The following CDC42EP5 variants were observed in gnomAD, a reference collection of about 807,000 sequenced individuals.
CDC42EP5 encodes the protein CDC42 effector protein 5.
For synonymous variants in CDC42EP5, 118 were observed against 123.3 expected (o/e 0.96, Z 0.28); for missense variants, 269 against 238.0 (o/e 1.13, Z -0.86).
In CDC42EP5 at chr19:54,465,359, G is replaced by T; in HGVS notation, c.189C>A (p.Pro63=). The part of the protein sequence containing the change: ...GGGPPPEPRA[P]PAGAPRSPPP... ...GCGGGGAGCGCGGGGCCCCCGCGGGGGGCGCCCGGGGCTCGGGGGGCGGCC... is the reference window on the plus strand; with the variant it reads ...GCGGGGAGCGCGGGGCCCCCGCGGGTGGCGCCCGGGGCTCGGGGGGCGGCC... The change falls in exon 3 of 3, where the codon CCC becomes CCA. Residue 63 remains proline, a synonymous_variant. Transcript: ENST00000301200. 8.7e-7 allele frequency: 1 copy of T among 1,155,876 alleles called. No homozygotes were observed. Among genetic ancestry groups the T allele is most frequent in the Non-Finnish European group, 1.1e-6 (1 of 939,234 alleles). 71.6% of individuals were successfully genotyped at this position (1,155,876 alleles called of 1,614,324 possible).
rs200991499 is a variant in CDC42EP5, at chr19:54,469,903, C to CA, written c.-1+1641dup. Reference sequence around the variant, plus strand: ...CAGCATGCACCTCGCATCCCCCTTCCATTGCCCTATCCGTTGCCACCACTT... The same window carrying CA: ...CAGCATGCACCTCGCATCCCCCTTCCAATTGCCCTATCCGTTGCCACCACTT... On this transcript the variant is annotated intron_variant, in intron 2 of 2. Coordinates refer to ENST00000301200, the MANE Select transcript of CDC42EP5 (RefSeq NM_145057.4). Among the ~76,000 whole-genome samples the CA allele has an allele frequency of 9.1e-3, 1,390 of 152,090 alleles. 9 individuals are homozygous for CA. The highest frequency in any genetic ancestry group is 0.037 in the Middle Eastern group (11 of 294).
intron 2 of CDC42EP5, among the ~76,000 whole-genome samples, chr19:54,468,888 A>ATTCC (rs774378859): frequency 0.037 from 4,323 of 116,372 alleles, 218 homozygotes; most frequent in African/African-American, 0.091. Flanking sequence ...AGATACTCTG[A>ATTCC]TTCCTTCCTT....
intron 1 of CDC42EP5, among the ~76,000 whole-genome samples, chr19:54,472,707 T>C (rs1405043617): frequency 5.4e-5 from 1 of 18,688 alleles, no homozygotes; most frequent in Non-Finnish European, 9.5e-5. Flanking sequence ...CAGCCCCTCC[T>C]CCCTCAGACC....
Position 54,465,260 on chromosome 19 carries a change from C to A in CDC42EP5, c.288G>T (p.Gly96=). 3.6e-6 allele frequency: 5 copies of A among 1,385,416 alleles called. No individual in the cohort carries two copies. The highest frequency in any genetic ancestry group is 2.3e-4 in the Middle Eastern group (1 of 4,434). The allele number at this position is 1,385,416 out of a possible 1,614,324, so 85.8% of individuals were successfully genotyped here. ...CCAGCACCGCGTCCAGCATGGAGGG[C>A]CCCAGATCCAGGTGGAAGGACAGCA... ...DPLLSFHLDL[G]PSMLDAVLGV... The change falls in exon 3 of 3, where the codon GGG becomes GGT. Residue 96 remains glycine (G), a synonymous_variant. Transcript: ENST00000301200.
chr19:54,469,769 A>G (rs2084809989), intron 2 of CDC42EP5, among the ~76,000 whole-genome samples: 1 of 152,158 alleles, frequency 6.6e-6, no homozygotes, highest in Non-Finnish European at 1.5e-5. Flanking sequence ...CCAAGATCAC[A>G]AAGCCAGCTC....
intron 2 of CDC42EP5, among the ~76,000 whole-genome samples, chr19:54,468,920 C>CTTCCTTCTTTCT (rs753994637): frequency 2.4e-5 from 3 of 124,012 alleles, no homozygotes; most frequent in East Asian, 3.1e-4. Context: ...TCCTTCCTTC[C>CTTCCTTCTTTCT]TTCTTTCTTT....
In CDC42EP5 at chr19:54,465,446, C is replaced by CAGCGTGTGCCGGAAGT. The variant is rs773308660; in HGVS notation, c.86_101dup (p.His35LeufsTer?). ...AGGCGTCGCCGCCGCGCCCCACGTGCAGCGTGTGCCGGAAGTCGCCGAGCG... is the reference window on the plus strand; with the variant it reads ...AGGCGTCGCCGCCGCGCCCCACGTGCAGCGTGTGCCGGAAGTAGCGTGTGCCGGAAGTCGCCGAGCG... On this transcript the variant is annotated frameshift_variant, in exon 3 of 3. Coordinates refer to ENST00000301200, the MANE Select transcript of CDC42EP5 (RefSeq NM_145057.4). LOFTEE classifies it low-confidence loss of function (END_TRUNC). 2 of 1,512,798 alleles carry CAGCGTGTGCCGGAAGT rather than the reference C, an allele frequency of 1.3e-6. No individual in the cohort carries two copies. The highest frequency in any genetic ancestry group is 1.2e-5 in the South Asian group (1 of 81,962). 93.7% of individuals were successfully genotyped at this position (1,512,798 alleles called of 1,614,324 possible).
intron 2 of CDC42EP5, among the ~76,000 whole-genome samples, chr19:54,467,763 T>C (rs1332403886): frequency 1.3e-5 from 2 of 152,124 alleles, no homozygotes; most frequent in East Asian, 1.9e-4. Flanking sequence ...CTTCAGGTGA[T>C]CCGCCTGCCT....
In CDC42EP5 at chr19:54,465,069, C is replaced by T. The variant is rs1319516044; in HGVS notation, c.*32G>A. 1.5e-6 allele frequency: 2 copies of T among 1,300,312 alleles called. No individual in the cohort carries two copies. The highest frequency in any genetic ancestry group is 2.2e-5 in the South Asian group (1 of 45,196). 80.5% of individuals were successfully genotyped at this position (1,300,312 alleles called of 1,614,324 possible). ...CGTTTATGTATACAGAAGTGGGGTG[C>T]CGGGCGGGAAGGGCGCGGGGAATGA... On this transcript the variant is annotated 3_prime_UTR_variant, in exon 3 of 3. Transcript: ENST00000301200.
Position 54,465,168 on chromosome 19 carries a change from G to A in CDC42EP5, c.380C>T (p.Thr127Met). ...GCGGCAGCGGGCCTGGGGGGGCTGCGTCCCGGGGCGGGGTTCCGCGTCGGG... is the reference window on the plus strand; with the variant it reads ...GCGGCAGCGGGCCTGGGGGGGCTGCATCCCGGGGCGGGGTTCCGCGTCGGG... Reference protein sequence around the residue: ...AKPDAEPRPGTQPPQARCRPN... With the variant: ...AKPDAEPRPGMQPPQARCRPN... The change falls in exon 3 of 3, where the codon ACG becomes ATG. Residue 127 changes from threonine (T) to methionine (M), a missense_variant. Physicochemically the swap from Thr to Met is moderately conservative, Grantham distance 81 (BLOSUM62 -1). Coordinates refer to ENST00000301200, the MANE Select transcript of CDC42EP5 (RefSeq NM_145057.4). 2.1e-6 allele frequency: 3 copies of A among 1,413,524 alleles called. No homozygotes were observed. The highest frequency in any genetic ancestry group is 2.7e-6 in the Non-Finnish European group (3 of 1,091,184). 87.6% of individuals were successfully genotyped at this position (1,413,524 alleles called of 1,614,324 possible). A position where few individuals can be genotyped will look rare whatever the true frequency, so the allele number is the denominator to read the frequency against.
chr19:54,470,521 A>G (rs1450866267), intron 2 of CDC42EP5, among the ~76,000 whole-genome samples: 5 of 148,758 alleles, frequency 3.4e-5, no homozygotes, highest in Non-Finnish European at 7.4e-5. Flanking sequence ...AAGAAAGGAA[A>G]GAAGGAAGGA....
At chr19:54,472,130 G>A (rs375819698) in intron 1 of CDC42EP5, among the ~76,000 whole-genome samples, 1 of 7,918 alleles carries the variant, frequency 1.3e-4, no homozygotes. Context: ...AGGAGTCCAG[G>A]CCCCCAGCCC....
rs1362225606 is a variant in CDC42EP5 at position 54,465,122 on chromosome 19, C to A, written c.426G>T (p.Leu142=). The stretch of plus-strand genomic sequence containing the variant: ...GAACCTAGAGGCCGATGACGTCGTT[C>A]AGCTCGAGGTCCGCGTTGGGGCGGC... ...ARCRPNADLE[L]NDVIGL Residue 142 remains leucine, a synonymous_variant, in exon 3 of 3, where the codon CTG becomes CTT. Coordinates refer to ENST00000301200, the MANE Select transcript of CDC42EP5 (RefSeq NM_145057.4). 2.9e-6 allele frequency: 4 copies of A among 1,384,504 alleles called. No homozygotes were observed. Among genetic ancestry groups the A allele is most frequent in the South Asian group, 1.7e-5 (1 of 59,138 alleles). 85.8% of individuals were successfully genotyped at this position (1,384,504 alleles called of 1,614,324 possible).
rs1482314905 is a variant in CDC42EP5, at chr19:54,465,073, G to A, written c.*28C>T. 1.5e-6 allele frequency: 2 copies of A among 1,304,232 alleles called. No individual in the cohort carries two copies. Among genetic ancestry groups the A allele is most frequent in the Admixed American group, 8.1e-5 (2 of 24,706 alleles). 80.8% of individuals were successfully genotyped at this position (1,304,232 alleles called of 1,614,324 possible). On this transcript the variant is annotated 3_prime_UTR_variant, in exon 3 of 3. Transcript: ENST00000301200. The stretch of plus-strand genomic sequence containing the variant: ...TATGTATACAGAAGTGGGGTGCCGG[G>A]CGGGAAGGGCGCGGGGAATGAGGGA...
At chr19:54,472,574 A>G (rs1273825546) in intron 1 of CDC42EP5, among the ~76,000 whole-genome samples, 2 of 18,166 alleles carry the variant, frequency 1.1e-4, no homozygotes, top group African/African-American at 3.0e-4. Context: ...CAGACCCAGG[A>G]GTCCAGGCCC....
intron 2 of CDC42EP5, among the ~76,000 whole-genome samples, chr19:54,467,919 C>T (rs1327287102): frequency 2.0e-5 from 3 of 152,138 alleles, no homozygotes; most frequent in Non-Finnish European, 4.4e-5. Flanking sequence ...CTTTGATGAC[C>T]TTGTACTTTT....
At chr19:54,468,920 C>CTTCTTTCTTTCT (rs144128477) in intron 2 of CDC42EP5, among the ~76,000 whole-genome samples, 38 of 123,934 alleles carry the variant, frequency 3.1e-4, no homozygotes, top group South Asian at 8.4e-4. Flanking sequence ...TCCTTCCTTC[C>CTTCTTTCTTTCT]TTCTTTCTTT....
chr19:54,471,050 T>G (rs905564765), intron 2 of CDC42EP5, among the ~76,000 whole-genome samples: 9 of 152,252 alleles, frequency 5.9e-5, no homozygotes, highest in African/African-American at 1.9e-4. Flanking sequence ...GCCTCTGACC[T>G]CCCTCTGGTT....
intron 2 of CDC42EP5, among the ~76,000 whole-genome samples, chr19:54,468,377 A>ACT (rs1491057230): frequency 1.1e-4 from 15 of 140,808 alleles, no homozygotes; most frequent in African/African-American, 3.7e-4. Context: ...ACACACACAC[A>ACT]CTCTTTACAT....
Sources: allele counts gnomAD v4.1 joint callset (sites outside exome capture counted in the v4.1 genomes callset), GRCh38; gene constraint gnomAD v4.1.1; transcripts MANE v1.5; gene names NCBI Gene and HGNC (gene_info 2026-07-23, HGNC 2026-07-21).